The following GNPDA2 variants were observed in gnomAD, a reference collection of about 807,000 sequenced individuals.
The protein encoded by GNPDA2 is glucosamine-6-phosphate deaminase 2.
Under a neutral mutation model 27.0 loss-of-function variants are expected in GNPDA2, and 24 were observed. The observed-to-expected ratio is 0.89, with a 90% CI of 0.64 to 1.25. GNPDA2 has a LOEUF of 1.25. GNPDA2 is among the 50% of genes most tolerant of loss of function. The probability of loss-of-function intolerance (pLI) is 0.00; values close to 1 mark genes in which losing one functional copy is unlikely to be tolerated. For synonymous variants in GNPDA2, 94 were observed against 108.4 expected (o/e 0.87, Z 0.83); for missense variants, 286 against 335.1 (o/e 0.85, Z 1.14).
In GNPDA2 at chr4:44,702,908, C is replaced by A; in HGVS notation, c.*173G>T. 1 of 1,431,618 alleles carries A rather than the reference C, an allele frequency of 7.0e-7. No individual in the cohort carries two copies. Among genetic ancestry groups the A allele is most frequent in the South Asian group, 1.5e-5 (1 of 65,512 alleles). The allele number at this position is 1,431,618 out of a possible 1,614,324, so 88.7% of individuals were successfully genotyped here. A position where few individuals can be genotyped will look rare whatever the true frequency, so the allele number is the denominator to read the frequency against. ...GAGAGCCAGCTACTTCTCTTAAACC[C>A]AAGTACAAGATATAAATATTCAAAA... On this transcript the variant is annotated 3_prime_UTR_variant, in exon 7 of 7. Coordinates refer to ENST00000295448, the MANE Select transcript of GNPDA2 (RefSeq NM_138335.3).
Position 44,701,857 on chromosome 4 carries a change from C to A in GNPDA2, c.*1224G>T. 3.1e-6 allele frequency: 3 copies of A among 982,408 alleles called. No individual in the cohort carries two copies. Among genetic ancestry groups the A allele is most frequent in the South Asian group, 4.7e-5 (1 of 21,228 alleles). 60.9% of individuals were successfully genotyped at this position (982,408 alleles called of 1,614,324 possible). ...CCATCCCCCACTTTTAACCATAAAA[C>A]CCTATTACCAATTTTATTTCATTAA... On this transcript the variant is annotated 3_prime_UTR_variant, in exon 7 of 7. Coordinates refer to ENST00000295448, the MANE Select transcript of GNPDA2 (RefSeq NM_138335.3).
chr4:44,715,468 A>G (rs1165375100), intron 4 of GNPDA2, among the ~76,000 whole-genome samples: 1 of 152,134 alleles, frequency 6.6e-6, no homozygotes, highest in Non-Finnish European at 1.5e-5. Context: ...GCATTATAGT[A>G]AATGAGTGAA....
rs1717358440 is a variant in GNPDA2, at chr4:44,717,233, T to C, written c.289A>G (p.Ile97Val). 1.0e-5 allele frequency: 16 copies of C among 1,573,252 alleles called. No individual in the cohort carries two copies. The East Asian group carries it at 3.6e-4, about 36-fold the overall frequency. Residue 97 changes from isoleucine to valine, a missense_variant, in exon 4 of 7, where the codon ATC (isoleucine) becomes GTC (valine). Physicochemically the swap from Ile to Val is conservative, Grantham distance 29 (BLOSUM62 3). Transcript: ENST00000295448. ...SYMWNNFFKHIDIDPNNAHIL... is the reference protein window; with the variant it reads ...SYMWNNFFKHVDIDPNNAHIL... ...TGTGCATTATTAGGATCTATATCGA[T>C]ATGCTTAAAAAAATTATTCCACATA...
At chr4:44,705,303 C>A (rs1716522948) in intron 6 of GNPDA2, 2 of 984,200 alleles carry the variant, frequency 2.0e-6, no homozygotes, top group Non-Finnish European at 2.4e-6. Context: ...TATTCAATTT[C>A]TCTACCCTTT....
In GNPDA2 at chr4:44,703,022, A is replaced by C; in HGVS notation, c.*59T>G. 1 of 1,596,972 alleles carries C rather than the reference A, an allele frequency of 6.3e-7. No individual in the cohort carries two copies. The highest frequency in any genetic ancestry group is 8.5e-7 in the Non-Finnish European group (1 of 1,175,368). On this transcript the variant is annotated 3_prime_UTR_variant, in exon 7 of 7. Transcript: ENST00000295448. ...TGTCATATTGCATAGCTGAAAATTC[A>C]TCTACTACTTAGTAAAAAGTGCTCT...
chr4:44,715,663 C>T (rs545555826), intron 4 of GNPDA2, among the ~76,000 whole-genome samples: 6 of 152,006 alleles, frequency 3.9e-5, no homozygotes, highest in Admixed American at 2.0e-4. Flanking sequence ...TTGAGTCATA[C>T]GTACAAAGCA....
chr4:44,709,312 C>T (rs1337567711), intron 5 of GNPDA2, among the ~76,000 whole-genome samples: 4 of 151,910 alleles, frequency 2.6e-5, no homozygotes, highest in African/African-American at 7.3e-5. Context: ...ATGGCTAAGG[C>T]ATAGATAAAA....
At chr4:44,708,009 C>A in intron 5 of GNPDA2, 83 bp from the exon 6 acceptor site, 1 of 907,670 alleles carries the variant, frequency 1.1e-6, no homozygotes, top group Admixed American at 2.8e-5. Flanking sequence ...AACTTAAGCA[C>A]CAATATTTTT....
intron 4 of GNPDA2, among the ~76,000 whole-genome samples, chr4:44,715,084 G>T (rs371154205): frequency 7.9e-5 from 12 of 152,106 alleles, no homozygotes; most frequent in African/African-American, 2.7e-4. Context: ...AAGGAGAACT[G>T]AGGTGGTTTA....
chr4:44,708,926 T>A (rs1716793275), intron 5 of GNPDA2, among the ~76,000 whole-genome samples: 2 of 152,132 alleles, frequency 1.3e-5, no homozygotes, highest in Non-Finnish European at 2.9e-5. Flanking sequence ...ATTTTAAAGA[T>A]AAGGAAACTG....
chr4:44,719,038 T>C (rs1311218751), intron 2 of GNPDA2, among the ~76,000 whole-genome samples: 1 of 152,022 alleles, frequency 6.6e-6, no homozygotes, highest in Non-Finnish European at 1.5e-5. Flanking sequence ...ATCTGAGTTC[T>C]TGATTCTATT....
chr4:44,708,190 A>G (rs1267711951), intron 5 of GNPDA2, among the ~76,000 whole-genome samples: 2 of 152,186 alleles, frequency 1.3e-5, no homozygotes, highest in Non-Finnish European at 2.9e-5. Flanking sequence ...TAACATAGTG[A>G]ATGATGATGT....
At position 44,705,134 on chromosome 4, in the gene GNPDA2, TTAGTGATGACAGAAGAAAGGG is replaced by T. The variant is rs980898625; in HGVS notation, c.770-2013_770-1993del. The T allele has an allele frequency of 6.1e-6, 6 of 984,842 alleles. No individual in the cohort carries two copies. In the Admixed American group the frequency reaches 3.1e-4, roughly 51 times the overall value. The allele number at this position is 984,842 out of a possible 1,614,324, so 61.0% of individuals were successfully genotyped here. A position where few individuals can be genotyped will look rare whatever the true frequency, so the allele number is the denominator to read the frequency against. ...CCTTTAAGATTCTGGTCAGCACTTT[TTAGTGATGACAGAAGAAAGGG>T]TAGTGATGTGAATGGAATTTGAAGA... On this transcript the variant is annotated intron_variant, in intron 6 of 6. Transcript: ENST00000295448.
chr4:44,708,501 A>G lies in GNPDA2; in HGVS notation c.595-575T>C, dbSNP rs969721480. On this transcript the variant is annotated intron_variant, in intron 5 of 6. Transcript: ENST00000295448. The stretch of plus-strand genomic sequence containing the variant: ...TACTTAAACATAGGAACTGTCTTAT[A>G]AGCACATAGGAACTGTCTTATAATC... 3.0e-4 allele frequency among the ~76,000 whole-genome samples: 26 copies of G among 87,924 alleles called. 1 individual carries two copies. Among genetic ancestry groups the G allele is most frequent in the Admixed American group, 1.1e-4 (1 of 9,022 alleles). The allele number at this position is 87,924 out of a possible 152,430, so 57.7% of individuals were successfully genotyped here. A position where few individuals can be genotyped will look rare whatever the true frequency, so the allele number is the denominator to read the frequency against.
intron 5 of GNPDA2, among the ~76,000 whole-genome samples, chr4:44,708,658 T>C (rs1716766771): frequency 6.6e-6 from 1 of 152,098 alleles, no homozygotes; most frequent in South Asian, 2.1e-4. Flanking sequence ...CTTTTCTTTA[T>C]CATGTTTAAG....
intron 4 of GNPDA2, among the ~76,000 whole-genome samples, chr4:44,712,086 T>A (rs1717015594): frequency 6.6e-6 from 1 of 152,200 alleles, no homozygotes; most frequent in Non-Finnish European, 1.5e-5. Context: ...GACAGGAATA[T>A]GACATTCTTA....
At chr4:44,726,064 G>C (rs1332677015) in intron 1 of GNPDA2, among the ~76,000 whole-genome samples, 1 of 152,166 alleles carries the variant, frequency 6.6e-6, no homozygotes, top group Non-Finnish European at 1.5e-5. Context: ...GAGGAGGGAC[G>C]AGAGACAGCA....
rs762249763 is a variant in GNPDA2 at position 44,703,149 on chromosome 4, G to A, written c.770-7C>T. On this transcript the variant is annotated splice_polypyrimidine_tract_variant and splice_region_variant and intron_variant, in intron 6 of 6. Coordinates refer to ENST00000295448, the MANE Select transcript of GNPDA2 (RefSeq NM_138335.3). ...TTGTGCACATGCATTAGACCTTAAA[G>A]AAAAAAAGCACAGTTCTAGTTGTTT... 2.5e-6 allele frequency: 4 copies of A among 1,601,726 alleles called. No individual in the cohort carries two copies. The highest frequency in any genetic ancestry group is 1.8e-5 in the Admixed American group (1 of 57,040).
At chr4:44,715,115 C>T (rs1414291355) in intron 4 of GNPDA2, among the ~76,000 whole-genome samples, 17 of 152,026 alleles carry the variant, frequency 1.1e-4, no homozygotes, top group Non-Finnish European at 2.9e-5. Flanking sequence ...ACATAACCCC[C>T]TCCCAAAAAA....
Sources: gnomAD v4.1 joint callset for allele counts (sites outside exome capture counted in the v4.1 genomes callset) on GRCh38, gnomAD v4.1.1 for gene constraint, MANE v1.5 for transcripts, NCBI Gene and HGNC (gene_info 2026-07-23, HGNC 2026-07-21) for gene names.